TASL: variants seen among roughly 807,000 people sequenced by gnomAD.
The protein encoded by TASL is TLR adapter interacting with SLC15A4 on the lysosome.
A neutral mutation model predicts 12.9 loss-of-function variants in TASL; 6 were observed. The ratio of observed to expected loss-of-function variants is 0.46; its 90% CI spans 0.25 to 0.92. The LOEUF (loss-of-function observed/expected upper bound fraction) is 0.92, where lower values mean the gene tolerates loss of function less well. Among genes scored for constraint, TASL ranks in the 40% least tolerant of loss-of-function variants. The probability of loss-of-function intolerance (pLI) is 0.17; values close to 1 mark genes in which losing one functional copy is unlikely to be tolerated. For missense variants in TASL, 165 were observed against 212.8 expected, an observed-to-expected ratio of 0.78 and a Z score of 1.40; for synonymous variants, 85 against 79.3, an observed-to-expected ratio of 1.07 and a Z score of -0.38.
At chrX:30,560,469 A>T (rs1397077010) in intron 2 of TASL, 113 bp from the exon 3 acceptor site, 4 of 533,106 alleles carry the variant, frequency 7.5e-6, no homozygotes, top group Non-Finnish European at 1.2e-5. Context: ...TTATTCATTC[A>T]CCAAGCTCGT....
At chrX:30,564,144 AAAG>A (rs777001449) in intron 2 of TASL, among the ~76,000 whole-genome samples, 73 of 112,136 alleles carry the variant, frequency 6.5e-4, no homozygotes, top group African/African-American at 2.3e-3. Context: ...ATGCTATAAA[AAAG>A]AAGAATTCTG....
At chrX:30,561,297 C>CT (rs1195317805) in intron 2 of TASL, among the ~76,000 whole-genome samples, 1 of 111,480 alleles carries the variant, frequency 9.0e-6, no homozygotes, top group African/African-American at 3.3e-5. Context: ...TGTTTACCTC[C>CT]TAGTTACCAA....
chrX:30,569,822 C>T (rs1257146631), intron 2 of TASL, among the ~76,000 whole-genome samples: 1 of 110,910 alleles, frequency 9.0e-6, no homozygotes, highest in Non-Finnish European at 1.9e-5. Context: ...ACCATCCTGG[C>T]CAACATGGTG....
chrX:30,573,007 G>C (rs940692330), intron 2 of TASL, among the ~76,000 whole-genome samples: 4 of 111,852 alleles, frequency 3.6e-5, no homozygotes, highest in African/African-American at 1.3e-4. Flanking sequence ...GTGCTTTCCA[G>C]GCATAGCCCT....
At chrX:30,573,361 C>G (rs1196755325) in intron 2 of TASL, among the ~76,000 whole-genome samples, 1 of 112,462 alleles carries the variant, frequency 8.9e-6, no homozygotes, top group Non-Finnish European at 1.9e-5. Context: ...GTAACAACAG[C>G]ACTTGCCAAA....
At chrX:30,571,256 G>GAAAGAAAGAAAGAAAAAGAAAGAAAGAA (rs1179232270) in intron 2 of TASL, among the ~76,000 whole-genome samples, 1 of 36,803 alleles carries the variant, frequency 2.7e-5, no homozygotes, top group Non-Finnish European at 4.4e-5. Context: ...GAGAAAGAAA[G>GAAAGAAAGAAAGAAAAAGAAAGAAAGAA]AGAAAGAAAG....
At chrX:30,573,049 TATCATAATCTAGATATG>T (rs1317567036) in intron 2 of TASL, among the ~76,000 whole-genome samples, 2 of 112,370 alleles carry the variant, frequency 1.8e-5, no homozygotes, top group Non-Finnish European at 3.8e-5. Flanking sequence ...GATTAGATAT[TATCATAATCTAGATATG>T]ATCATATCCT....
At chrX:30,570,226 ACT>A (rs57818181) in intron 2 of TASL, among the ~76,000 whole-genome samples, 6 of 69,745 alleles carry the variant, frequency 8.6e-5, no homozygotes, top group South Asian at 2.3e-3. Context: ...GTACATAAAT[ACT>A]CTCTCTCTCA....
chrX:30,567,477 A>C (rs1930516246), intron 2 of TASL, among the ~76,000 whole-genome samples: 1 of 111,752 alleles, frequency 8.9e-6, no homozygotes, highest in Non-Finnish European at 1.9e-5. Context: ...GTCAGTACAC[A>C]AAGATAAAAT....
chrX:30,569,839 C>T (rs1313509692), intron 2 of TASL, among the ~76,000 whole-genome samples: 1 of 110,444 alleles, frequency 9.1e-6, no homozygotes, highest in African/African-American at 3.3e-5. Flanking sequence ...GGTGAAACCC[C>T]GTCTCTACTA....
Position 30,574,875 on chromosome X carries a change from T to A in TASL, c.-2+1877A>T, listed in dbSNP as rs1203050913. 2.7e-5 allele frequency among the ~76,000 whole-genome samples: 3 copies of A among 112,116 alleles called. No homozygotes were observed. The East Asian group carries it at 8.3e-4, about 31-fold the overall frequency. Reference sequence around the variant, plus strand: ...TCCGTGAGTATTTCCACAGGCCAGATTTGGAGGAGCAGAATTACCAGATCA... The same window carrying A: ...TCCGTGAGTATTTCCACAGGCCAGAATTGGAGGAGCAGAATTACCAGATCA... On this transcript the variant is annotated intron_variant, in intron 2 of 2. Coordinates refer to ENST00000378962, the MANE Select transcript of TASL (RefSeq NM_025159.3).
chrX:30,574,077 C>T (rs1007499675), intron 2 of TASL, among the ~76,000 whole-genome samples: 1 of 111,021 alleles, frequency 9.0e-6, no homozygotes, highest in Middle Eastern at 4.2e-3. Context: ...TGCCTGTTCC[C>T]CACAGGACCC....
At chrX:30,575,493 T>C (rs1323690792) in intron 2 of TASL, among the ~76,000 whole-genome samples, 1 of 111,809 alleles carries the variant, frequency 8.9e-6, no homozygotes, top group Non-Finnish European at 1.9e-5. Flanking sequence ...ATCCCTATTA[T>C]TTCAGCTTGT....
chrX:30,571,290 G>GAAAGAAAGAAAGAAAGAAAGAAAGAA (rs1930613692), intron 2 of TASL, among the ~76,000 whole-genome samples: 1 of 43,133 alleles, frequency 2.3e-5, no homozygotes, highest in African/African-American at 8.7e-5. Context: ...AAGAAAGAAA[G>GAAAGAAAGAAAGAAAGAAAGAAAGAA]AAAGAAAGAA....
rs1179230406 is a variant in TASL at position 30,559,612 on chromosome X, A to G, written c.744T>C (p.Ser248=). 3 of 1,210,904 alleles carry G rather than the reference A, an allele frequency of 2.5e-6. No homozygotes were observed. The highest frequency in any genetic ancestry group is 2.3e-4 in the Middle Eastern group (1 of 4,345). ...ACACTTGAAGACTGATTTGGTCTAC[A>G]CTTGTCATGATGAGTTCAGACGCCA... is the stretch of plus-strand genomic sequence containing the variant. ...QILASELIMT[S]VDQISLQVSR... The change falls in exon 3 of 3, where the codon AGT becomes AGC. Residue 248 remains serine, a synonymous_variant. Coordinates refer to ENST00000378962, the MANE Select transcript of TASL (RefSeq NM_025159.3).
chrX:30,571,278 G>GAAAGAAAGAAAGAAAGAAAGAA (rs1569306115), intron 2 of TASL, among the ~76,000 whole-genome samples: 32 of 74,627 alleles, frequency 4.3e-4, no homozygotes, highest in Non-Finnish European at 6.0e-4. Flanking sequence ...AAGAAAGAAA[G>GAAAGAAAGAAAGAAAGAAAGAA]AAAGAAAGAA....
chrX:30,563,176 T>C (rs143383867), intron 2 of TASL, among the ~76,000 whole-genome samples: 2,091 of 111,214 alleles, frequency 0.019, 46 homozygotes, highest in African/African-American at 0.064. Context: ...GTTTCCCCCA[T>C]CCTGTTCTCG....
chrX:30,574,329 G>C (rs1174591238), intron 2 of TASL, among the ~76,000 whole-genome samples: 1 of 111,880 alleles, frequency 8.9e-6, no homozygotes, highest in African/African-American at 3.3e-5. Flanking sequence ...CTACCCCAAG[G>C]TGTTCATCAG....
At chrX:30,567,004 T>C (rs947538240) in intron 2 of TASL, among the ~76,000 whole-genome samples, 4 of 111,860 alleles carry the variant, frequency 3.6e-5, no homozygotes, top group Admixed American at 1.9e-4. Flanking sequence ...TGTGTAGCAG[T>C]AAAGCCAGGC....
Sources: allele counts gnomAD v4.1 joint callset (sites outside exome capture counted in the v4.1 genomes callset), GRCh38; gene constraint gnomAD v4.1.1; transcripts MANE v1.5; gene names NCBI Gene and HGNC (gene_info 2026-07-23, HGNC 2026-07-21).